The following RYR3 variants were observed in gnomAD, a reference collection of about 807,000 sequenced individuals.
RYR3 encodes the protein brain ryanodine receptor-calcium release channel.
A neutral mutation model predicts 584.3 loss-of-function variants in RYR3; 207 were observed. The ratio of observed to expected loss-of-function variants is 0.35; its 90% CI spans 0.32 to 0.40. The LOEUF is 0.40. Ranked by LOEUF, RYR3 falls within the 10% of genes least tolerant of loss-of-function variation. The pLI is 1.00. For missense variants in RYR3, 5,616 were observed against 6,089.2 expected (o/e 0.92, Z 2.59); for synonymous variants, 2,416 against 2,248.5 (o/e 1.07, Z -2.11).
intron 5 of RYR3, among the ~76,000 whole-genome samples, chr15:33,534,508 GATT>G (rs2055160900): frequency 6.6e-6 from 1 of 152,158 alleles, no homozygotes; most frequent in African/African-American, 2.4e-5. Context: ...GGAACCAATG[GATT>G]ATTATTATTT....
At chr15:33,575,702 G>C (rs1320619557) in intron 12 of RYR3, among the ~76,000 whole-genome samples, 1 of 151,898 alleles carries the variant, frequency 6.6e-6, no homozygotes, top group Non-Finnish European at 1.5e-5. Context: ...ACAACTAAAA[G>C]AACTGGAGAA....
rs79615488 is a variant in RYR3, at chr15:33,324,455, A to G, written c.51+13359A>G. 7.7e-4 allele frequency among the ~76,000 whole-genome samples: 117 copies of G among 152,310 alleles called. 3 individuals are homozygous for G. The East Asian group carries it at 0.019, about 24-fold the overall frequency. ...TATTTTGTAGATGCTAATATCTTAGATAAAACTCAGTGCTTTCTATCAATA... is the reference window on the plus strand; with the variant it reads ...TATTTTGTAGATGCTAATATCTTAGGTAAAACTCAGTGCTTTCTATCAATA... On this transcript the variant is annotated intron_variant, in intron 1 of 103. Transcript: ENST00000634891.
At position 33,346,784 on chromosome 15, in the gene RYR3, T is replaced by TAA. The variant is rs2140889848; in HGVS notation, c.51+35691_51+35692dup. 1.3e-5 allele frequency among the ~76,000 whole-genome samples: 2 copies of TAA among 152,284 alleles called. 1 individual carries two copies. The highest frequency in any genetic ancestry group is 4.1e-4 in the South Asian group (2 of 4,824). ...GTGCTTGCTTTATTTGTAAAGGCCC[T>TAA]AAAAGCACGTTAGAATCCAAACTAG... On this transcript the variant is annotated intron_variant, in intron 1 of 103. Transcript: ENST00000634891.
intron 10 of RYR3, among the ~76,000 whole-genome samples, chr15:33,556,503 G>C (rs562821478): frequency 6.6e-5 from 10 of 152,292 alleles, no homozygotes; most frequent in African/African-American, 2.4e-4. Flanking sequence ...TGTTTTCATT[G>C]ATGCTGATGT....
At chr15:33,755,273 G>A (rs11854407) in intron 58 of RYR3, 93 bp downstream of exon 58, 21,270 of 814,322 alleles carry the variant, frequency 0.026, 1,990 homozygotes, top group African/African-American at 0.26. Context: ...ATTCATTTAG[G>A]TGCATGATTT....
intron 3 of RYR3, among the ~76,000 whole-genome samples, chr15:33,523,377 C>T (rs1595434743): frequency 6.6e-6 from 1 of 152,160 alleles, no homozygotes; most frequent in African/African-American, 2.4e-5. Flanking sequence ...GTAACACTCA[C>T]TGCGAGGGTC....
chr15:33,313,703 C>A (rs76824925), intron 1 of RYR3, among the ~76,000 whole-genome samples: 3,587 of 152,242 alleles, frequency 0.024, 57 homozygotes, highest in Non-Finnish European at 0.037. Context: ...TTCCTCACAT[C>A]GACATGGTCC....
intron 1 of RYR3, among the ~76,000 whole-genome samples, chr15:33,426,181 G>A (rs1157814294): frequency 6.6e-6 from 1 of 152,290 alleles, no homozygotes; most frequent in Non-Finnish European, 1.5e-5. Context: ...TAAAACTTAC[G>A]AGCTTCTTGA....
chr15:33,422,405 A>C (rs2044302032), intron 1 of RYR3, among the ~76,000 whole-genome samples: 1 of 152,162 alleles, frequency 6.6e-6, no homozygotes, highest in Non-Finnish European at 1.5e-5. Flanking sequence ...AGAAATATGG[A>C]ATGGCATATT....
chr15:33,559,114 C>T (rs745806842), intron 10 of RYR3, among the ~76,000 whole-genome samples: 11 of 152,070 alleles, frequency 7.2e-5, no homozygotes, highest in Non-Finnish European at 1.0e-4. Flanking sequence ...TGGCTTTATG[C>T]GCTTTGAGTT....
At chr15:33,744,096 C>T (rs184316687) in intron 52 of RYR3, among the ~76,000 whole-genome samples, 2 of 152,266 alleles carry the variant, frequency 1.3e-5, no homozygotes, top group East Asian at 3.9e-4. Context: ...AGACCCTCCT[C>T]TGCCTGAGCC....
chr15:33,856,654 G>T (rs8033164), intron 98 of RYR3: 6,906 of 49,256 alleles, frequency 0.14, 262 homozygotes, highest in Non-Finnish European at 0.14. Flanking sequence ...TGGGTTTTTT[G>T]TTTGTTTGTT....
At chr15:33,500,653 G>A (rs546945759) in intron 2 of RYR3, among the ~76,000 whole-genome samples, 1 of 152,256 alleles carries the variant, frequency 6.6e-6, no homozygotes, top group South Asian at 2.1e-4. Context: ...CATGCTGAGA[G>A]TCATCAAACA....
intron 16 of RYR3, among the ~76,000 whole-genome samples, chr15:33,595,058 G>A (rs2152539714): frequency 6.6e-6 from 1 of 151,856 alleles, no homozygotes; most frequent in Non-Finnish European, 1.5e-5. Flanking sequence ...GGAACCTAAT[G>A]TCTTAAAAGA....
At chr15:33,807,122 T>TGGTG (rs1287248816) in intron 69 of RYR3, among the ~76,000 whole-genome samples, 1 of 152,156 alleles carries the variant, frequency 6.6e-6, no homozygotes, top group Admixed American at 6.5e-5. Flanking sequence ...CCACAGATGT[T>TGGTG]GCTAATGTGG....
intron 38 of RYR3, among the ~76,000 whole-genome samples, chr15:33,673,666 A>G (rs1298542846): frequency 6.6e-6 from 1 of 152,240 alleles, no homozygotes; most frequent in Non-Finnish European, 1.5e-5. Context: ...TTCTTCCAGA[A>G]GAGGCTGACC....
Position 33,834,285 on chromosome 15 carries a change from AACACACACAC to A in RYR3, c.11464-653_11464-644del, listed in dbSNP as rs61059288. On this transcript the variant is annotated intron_variant, in intron 86 of 103. Transcript: ENST00000634891. ...GGTGACAGAGCAAAAATCTGTCTTA[AACACACACAC>A]ACACACACACACACACACACACACA... Among the ~76,000 whole-genome samples the A allele has an allele frequency of 2.4e-3, 333 of 136,948 alleles. 1 individual carries two copies. Among genetic ancestry groups the A allele is most frequent in the African/African-American group, 9.0e-3 (317 of 35,346 alleles). 89.8% of individuals were successfully genotyped at this position (136,948 alleles called of 152,430 possible). A position where few individuals can be genotyped will look rare whatever the true frequency, so the allele number is the denominator to read the frequency against.
At chr15:33,338,006 G>A (rs912430701) in intron 1 of RYR3, among the ~76,000 whole-genome samples, 2 of 142,444 alleles carry the variant, frequency 1.4e-5, no homozygotes, top group African/African-American at 2.6e-5. Context: ...GTGCAGTGGC[G>A]CGATCTTGGC....
intron 31 of RYR3, 22 bp downstream of exon 31, chr15:33,649,257 AG>A: frequency 1.9e-6 from 3 of 1,603,112 alleles, no homozygotes; most frequent in Non-Finnish European, 2.6e-6. Context: ...CCCAAGTGGC[AG>A]GGTTAGCCAT....
Sources: allele counts gnomAD v4.1 joint callset (sites outside exome capture counted in the v4.1 genomes callset), GRCh38; gene constraint gnomAD v4.1.1; transcripts MANE v1.5; gene names NCBI Gene and HGNC (gene_info 2026-07-23, HGNC 2026-07-21).